The following FBXL17 variants were observed in gnomAD, a reference collection of about 807,000 sequenced individuals.
FBXL17 encodes the protein F-box/LRR-repeat protein 17.
FBXL17 carries 22 observed loss-of-function variants against 66.2 expected under a neutral mutation model. That is an observed-to-expected ratio of 0.33 (90% CI 0.24 to 0.47). FBXL17 has a LOEUF of 0.47. Among genes scored for constraint, FBXL17 ranks in the 20% least tolerant of loss-of-function variants. The pLI, the probability that FBXL17 is intolerant of heterozygous loss-of-function variation, is 1.00. For synonymous variants in FBXL17, 474 were observed against 400.5 expected (o/e 1.18, Z -2.19); for missense variants, 878 against 948.2 (o/e 0.93, Z 0.97).
At chr5:108,087,997 C>T (rs529981776) in intron 6 of FBXL17, among the ~76,000 whole-genome samples, 4 of 151,896 alleles carry the variant, frequency 2.6e-5, no homozygotes, top group Non-Finnish European at 5.9e-5. Flanking sequence ...TATTATTGCC[C>T]GTTTTTATTA....
intron 4 of FBXL17, among the ~76,000 whole-genome samples, chr5:108,262,351 A>G (rs1460269234): frequency 6.6e-6 from 1 of 152,060 alleles, no homozygotes; most frequent in African/African-American, 2.4e-5. Flanking sequence ...ATAAATATAT[A>G]TTTTTAAAGT....
intron 7 of FBXL17, among the ~76,000 whole-genome samples, chr5:107,883,948 G>T (rs1052554907): frequency 6.6e-6 from 1 of 152,160 alleles, no homozygotes; most frequent in Non-Finnish European, 1.5e-5. Flanking sequence ...AACAGCATGT[G>T]TGAAAGTAGA....
At chr5:108,346,961 A>T (rs1295500880) in intron 4 of FBXL17, among the ~76,000 whole-genome samples, 1 of 152,212 alleles carries the variant, frequency 6.6e-6, no homozygotes, top group African/African-American at 2.4e-5. Flanking sequence ...AGGGGCAATA[A>T]AAAGATCTCT....
At chr5:108,005,571 C>T (rs1193500028) in intron 7 of FBXL17, among the ~76,000 whole-genome samples, 1 of 152,138 alleles carries the variant, frequency 6.6e-6, no homozygotes, top group Non-Finnish European at 1.5e-5. Flanking sequence ...GAAAATCTGA[C>T]CTTTGGTTAA....
chr5:107,988,012 T>C (rs1753088401), intron 7 of FBXL17, among the ~76,000 whole-genome samples: 1 of 152,036 alleles, frequency 6.6e-6, no homozygotes, highest in Admixed American at 6.6e-5. Flanking sequence ...TATACAGATA[T>C]GTTTGAAAAC....
intron 8 of FBXL17, among the ~76,000 whole-genome samples, chr5:107,873,995 G>T (rs1179852379): frequency 6.6e-6 from 1 of 151,948 alleles, no homozygotes; most frequent in East Asian, 1.9e-4. Context: ...TCCCTTAAAA[G>T]GTTCTACACA....
At chr5:108,306,151 A>C (rs1447148522) in intron 4 of FBXL17, among the ~76,000 whole-genome samples, 2 of 152,106 alleles carry the variant, frequency 1.3e-5, no homozygotes, top group South Asian at 4.1e-4. Flanking sequence ...TAAATTTTAT[A>C]CATTTTCTTG....
rs139971913 is a variant in FBXL17, at chr5:108,240,778, G to C, written c.1507-16550C>G. Among the ~76,000 whole-genome samples the C allele has an allele frequency of 2.1e-3, 323 of 152,304 alleles. 2 individuals are homozygous for C. In the South Asian group the frequency reaches 0.022, roughly 10 times the overall value. The stretch of plus-strand genomic sequence containing the variant: ...CAAGACCCAGTGCTATTCTGGTTCA[G>C]GTCTCACCCAGCACAGTCCCAATGG... On this transcript the variant is annotated intron_variant, in intron 4 of 8. Coordinates refer to ENST00000542267, the MANE Select transcript of FBXL17 (RefSeq NM_001163315.3).
chr5:107,955,834 A>T (rs1751645336), intron 7 of FBXL17, among the ~76,000 whole-genome samples: 1 of 152,182 alleles, frequency 6.6e-6, no homozygotes, highest in African/African-American at 2.4e-5. Context: ...AATTAATATC[A>T]TGTCTATGGC....
At chr5:108,218,124 G>A (rs182478291) in intron 5 of FBXL17, among the ~76,000 whole-genome samples, 1 of 148,414 alleles carries the variant, frequency 6.7e-6, no homozygotes, top group East Asian at 2.0e-4. Context: ...TCCTGCCTCA[G>A]CCTCCAGAGT....
rs1751418094 is a variant in FBXL17 at position 108,143,080 on chromosome 5, C to T, written c.1745+43037G>A. On this transcript the variant is annotated intron_variant, in intron 6 of 8. Transcript: ENST00000542267. ...CTAGGTTGCATGCCCCTTATAAGAA[C>T]TTAACACCTGATGATCTAAGGTGAA... 3.3e-5 allele frequency among the ~76,000 whole-genome samples: 5 copies of T among 151,940 alleles called. No homozygotes were observed. In the South Asian group the frequency reaches 1.0e-3, roughly 32 times the overall value.
At chr5:108,335,113 T>C (rs994320153) in intron 4 of FBXL17, among the ~76,000 whole-genome samples, 26 of 152,126 alleles carry the variant, frequency 1.7e-4, no homozygotes, top group Non-Finnish European at 3.1e-4. Context: ...TTTTAGATGT[T>C]AGAAATTAGA....
intron 6 of FBXL17, among the ~76,000 whole-genome samples, chr5:108,109,864 T>A (rs1749962890): frequency 6.6e-6 from 1 of 152,186 alleles, no homozygotes; most frequent in South Asian, 2.1e-4. Context: ...GAATCACTTT[T>A]CAAACATCAA....
intron 6 of FBXL17, among the ~76,000 whole-genome samples, chr5:108,136,967 A>G (rs1476592692): frequency 1.3e-5 from 2 of 152,170 alleles, no homozygotes; most frequent in African/African-American, 4.8e-5. Context: ...GGTAACATTA[A>G]TTTCAAATTC....
intron 7 of FBXL17, among the ~76,000 whole-genome samples, chr5:107,917,891 A>T (rs1750183414): frequency 6.6e-6 from 1 of 152,244 alleles, no homozygotes; most frequent in African/African-American, 2.4e-5. Context: ...TTAAGCAGCA[A>T]TACAATTTCA....
At chr5:108,115,327 T>C (rs888026197) in intron 6 of FBXL17, among the ~76,000 whole-genome samples, 54 of 152,270 alleles carry the variant, frequency 3.5e-4, no homozygotes, top group African/African-American at 1.3e-3. Flanking sequence ...GAATTGAGTA[T>C]GTAGGTAGGT....
chr5:107,933,084 G>T (rs749906434), intron 7 of FBXL17, among the ~76,000 whole-genome samples: 6 of 152,134 alleles, frequency 3.9e-5, no homozygotes, highest in Admixed American at 3.3e-4. Flanking sequence ...CTTTAAAAAA[G>T]TTCCAGGTTT....
At position 108,034,572 on chromosome 5, in the gene FBXL17, C is replaced by A. The variant is rs1479042297; in HGVS notation, c.1746-13571G>T. 2.6e-5 allele frequency among the ~76,000 whole-genome samples: 4 copies of A among 151,774 alleles called. No homozygotes were observed. The East Asian group carries it at 7.7e-4, about 29-fold the overall frequency. On this transcript the variant is annotated intron_variant, in intron 6 of 8. Transcript: ENST00000542267. ...CTAATTAATACTTGAGTAAATTGCT[C>A]AATTTTAAGAAACATGCAGTTATTT...
chr5:108,317,193 G>T (rs1482561233), intron 4 of FBXL17, among the ~76,000 whole-genome samples: 1 of 151,026 alleles, frequency 6.6e-6, no homozygotes, highest in Non-Finnish European at 1.5e-5. Context: ...TAACAAATCG[G>T]TTCCCCCAAA....
Sources: gnomAD v4.1 joint callset for allele counts (sites outside exome capture counted in the v4.1 genomes callset) on GRCh38, gnomAD v4.1.1 for gene constraint, MANE v1.5 for transcripts, NCBI Gene and HGNC (gene_info 2026-07-23, HGNC 2026-07-21) for gene names.